The following NOL10 variants were observed in gnomAD, a reference collection of about 807,000 sequenced individuals.
NOL10 encodes the protein nucleolar protein 10.
Under a neutral mutation model 103.5 loss-of-function variants are expected in NOL10, and 58 were observed. The ratio of observed to expected loss-of-function variants is 0.56; its 90% CI spans 0.45 to 0.70. The LOEUF (loss-of-function observed/expected upper bound fraction) is 0.70, where lower values mean the gene tolerates loss of function less well. NOL10 is among the 30% of genes least tolerant of loss of function. The pLI is 0.00. For synonymous variants in NOL10, 287 were observed against 282.5 expected (o/e 1.02, Z -0.16); for missense variants, 763 against 807.3 (o/e 0.95, Z 0.67).
intron 1 of NOL10, 136 bp from the exon 2 acceptor site, chr2:10,684,748 T>C (rs1250371979): frequency 3.1e-6 from 2 of 637,642 alleles, no homozygotes; most frequent in East Asian, 5.5e-5. Context: ...AAAAATATTC[T>C]CTAATCCTAA....
At chr2:10,572,275 C>A in intron 20 of NOL10, 85 bp from the exon 21 acceptor site, 1 of 1,414,848 alleles carries the variant, frequency 7.1e-7, no homozygotes, top group South Asian at 1.2e-5. Context: ...CCAACAGTAC[C>A]ACCACCAATC....
At chr2:10,670,564 G>A (rs1183155663) in intron 6 of NOL10, among the ~76,000 whole-genome samples, 3 of 151,966 alleles carry the variant, frequency 2.0e-5, no homozygotes, top group Non-Finnish European at 2.9e-5. Context: ...GTGAAACATC[G>A]CCTCTACTAA....
At position 10,613,422 on chromosome 2, in the gene NOL10, T is replaced by C. The variant is rs546800779; in HGVS notation, c.1027-6111A>G. Among the ~76,000 whole-genome samples, 105 of 152,264 alleles carry C rather than the reference T, an allele frequency of 6.9e-4. 1 individual carries two copies. Among genetic ancestry groups the C allele is most frequent in the African/African-American group, 2.4e-3 (101 of 41,560 alleles). ...AATGGGATTAGTGCCAAAACAGAAA[T>C]TTTTAAAAGGTTCTAGGAAGCCCTT... On this transcript the variant is annotated intron_variant, in intron 13 of 20. Coordinates refer to ENST00000381685, the MANE Select transcript of NOL10 (RefSeq NM_024894.4).
chr2:10,642,435 C>T (rs771674730), intron 13 of NOL10, among the ~76,000 whole-genome samples: 8 of 152,156 alleles, frequency 5.3e-5, no homozygotes, highest in Non-Finnish European at 1.0e-4. Flanking sequence ...CATTCCCCTG[C>T]GGCAGCAAAA....
intron 17 of NOL10, among the ~76,000 whole-genome samples, chr2:10,596,543 G>A (rs1392518835): frequency 6.6e-6 from 1 of 152,124 alleles, no homozygotes; most frequent in Non-Finnish European, 1.5e-5. Context: ...ATGCTCCTAT[G>A]AGAATCTAAT....
At chr2:10,638,075 A>C (rs1414779412) in intron 13 of NOL10, among the ~76,000 whole-genome samples, 2 of 152,198 alleles carry the variant, frequency 1.3e-5, no homozygotes, top group Non-Finnish European at 2.9e-5. Context: ...TGAGGCCAGG[A>C]GTTTGAGACC....
chr2:10,592,403 C>G (rs533668649), intron 17 of NOL10, among the ~76,000 whole-genome samples: 1 of 152,274 alleles, frequency 6.6e-6, no homozygotes, highest in African/African-American at 2.4e-5. Flanking sequence ...CCATTTAGGG[C>G]TGCCTATGCC....
intron 3 of NOL10, among the ~76,000 whole-genome samples, chr2:10,676,873 G>A (rs543310656): frequency 6.7e-4 from 101 of 151,756 alleles, no homozygotes; most frequent in African/African-American, 2.4e-3. Context: ...CCTGACCTCA[G>A]GTGATCCACC....
intron 2 of NOL10, among the ~76,000 whole-genome samples, chr2:10,683,742 A>G (rs1018287852): frequency 2.6e-5 from 4 of 152,174 alleles, no homozygotes; most frequent in Admixed American, 2.6e-4. Flanking sequence ...ACTGTGTGCC[A>G]AGCATCCACC....
In NOL10 at chr2:10,644,341, C is replaced by T. The variant is rs148529864; in HGVS notation, c.1005G>A (p.Lys335=). 10 of 1,539,664 alleles carry T rather than the reference C, an allele frequency of 6.5e-6. No individual in the cohort carries two copies. The Admixed American group carries it at 1.9e-4, about 29-fold the overall frequency. Residue 335 remains lysine, a synonymous_variant, in exon 13 of 21, where the codon AAG becomes AAA. Transcript: ENST00000381685. Reference sequence around the variant, plus strand: ...TTACTGGAATGTAATAGATGCCCATCTTGGGGGTTTCATTGGCCGTCAGAA... The same window carrying T: ...TTACTGGAATGTAATAGATGCCCATTTTGGGGGTTTCATTGGCCGTCAGAA... ...GMLLTANETP[K]MGIYYIPVLG...
chr2:10,636,420 C>CAAAAAAAAA (rs70953327), intron 13 of NOL10, among the ~76,000 whole-genome samples: 13 of 54,696 alleles, frequency 2.4e-4, no homozygotes, highest in South Asian at 1.0e-3. Context: ...TACAAAAAAC[C>CAAAAAAAAA]AAAAAAAAAA....
intron 5 of NOL10, among the ~76,000 whole-genome samples, chr2:10,672,752 G>C (rs959705714): frequency 6.6e-6 from 1 of 152,148 alleles, no homozygotes; most frequent in Non-Finnish European, 1.5e-5. Flanking sequence ...CAACACTTTG[G>C]GAGGCCAAGT....
chr2:10,580,109 C>T (rs558321297), intron 19 of NOL10, among the ~76,000 whole-genome samples: 21 of 152,324 alleles, frequency 1.4e-4, no homozygotes, highest in Admixed American at 7.2e-4. Context: ...AGTTCCACTT[C>T]CCTCCCTTTG....
intron 13 of NOL10, among the ~76,000 whole-genome samples, chr2:10,618,112 A>AG (rs1418433792): frequency 6.6e-6 from 1 of 151,862 alleles, no homozygotes; most frequent in Non-Finnish European, 1.5e-5. Flanking sequence ...CCTGGGCTCA[A>AG]GCGATCCTCT....
intron 19 of NOL10, among the ~76,000 whole-genome samples, chr2:10,580,575 G>C (rs1674695306): frequency 6.6e-6 from 1 of 152,198 alleles, no homozygotes; most frequent in Admixed American, 6.5e-5. Flanking sequence ...GAATTACTCA[G>C]TGTAGAATGC....
chr2:10,662,921 T>C (rs1250505396), intron 9 of NOL10, 38 bp downstream of exon 9: 3 of 1,452,718 alleles, frequency 2.1e-6, no homozygotes, highest in Middle Eastern at 1.7e-4. Context: ...AAATTAAAAG[T>C]TGATGAACAT....
At chr2:10,678,685 G>C (rs1214365011) in intron 3 of NOL10, among the ~76,000 whole-genome samples, 1 of 152,112 alleles carries the variant, frequency 6.6e-6, no homozygotes, top group African/African-American at 2.4e-5. Context: ...CAACTTTTTA[G>C]CCACAAGGCC....
intron 13 of NOL10, among the ~76,000 whole-genome samples, chr2:10,641,329 ACTCCGTCT>A (rs1267567190): frequency 1.3e-5 from 2 of 149,404 alleles, no homozygotes; most frequent in African/African-American, 5.0e-5. Flanking sequence ...GGCAACAAAA[ACTCCGTCT>A]CAAAAAAAAA....
intron 9 of NOL10, among the ~76,000 whole-genome samples, chr2:10,661,460 C>T (rs1680200655): frequency 6.6e-6 from 1 of 151,924 alleles, no homozygotes; most frequent in East Asian, 1.9e-4. Context: ...CAACCTCTGC[C>T]TCCCGGGTTC....
Sources: gnomAD v4.1 joint callset for allele counts (sites outside exome capture counted in the v4.1 genomes callset) on GRCh38, gnomAD v4.1.1 for gene constraint, MANE v1.5 for transcripts, NCBI Gene and HGNC (gene_info 2026-07-23, HGNC 2026-07-21) for gene names.